The following TBC1D22A variants were observed in gnomAD, a reference collection of about 807,000 sequenced individuals.
TBC1D22A encodes the protein TBC1 domain family member 22A.
Under a neutral mutation model 60.2 loss-of-function variants are expected in TBC1D22A, and 38 were observed. The observed-to-expected ratio is 0.63, with a 90% confidence interval of 0.49 to 0.83. The LOEUF (loss-of-function observed/expected upper bound fraction) is 0.83. Among genes scored for constraint, TBC1D22A ranks in the 40% least tolerant of loss-of-function variants. The pLI is 0.00. For missense variants in TBC1D22A, 628 were observed against 701.0 expected, an observed-to-expected ratio of 0.90 and a Z score of 1.18; for synonymous variants, 302 against 281.7, an observed-to-expected ratio of 1.07 and a Z score of -0.72.
At chr22:47,001,698 AC>A (rs559271524) in intron 10 of TBC1D22A, among the ~76,000 whole-genome samples, 110 of 152,274 alleles carry the variant, frequency 7.2e-4, no homozygotes, top group African/African-American at 2.4e-3. Flanking sequence ...TGGAGTTTTA[AC>A]CCAAATTTAA....
rs769619985 is a variant in TBC1D22A at position 47,111,516 on chromosome 22, G to A, written c.1338G>A (p.Pro446=). Residue 446 remains proline (P), a synonymous_variant, in exon 12 of 13, where the codon CCG becomes CCA. Coordinates refer to ENST00000337137, the MANE Select transcript of TBC1D22A (RefSeq NM_014346.5). ...TATTTTTTCTCTTTTAGTCTGAACC[G>A]GACGGCTTTTCTCATTTCCACTTGT... ...IRLWDTYQSE[P]DGFSHFHLYV... The A allele has an allele frequency of 8.7e-6, 14 of 1,613,672 alleles. No homozygotes were observed. The highest frequency in any genetic ancestry group is 2.2e-5 in the South Asian group (2 of 90,960).
chr22:46,905,911 G>T (rs914552103), intron 7 of TBC1D22A, among the ~76,000 whole-genome samples: 1 of 152,218 alleles, frequency 6.6e-6, no homozygotes, highest in African/African-American at 2.4e-5. Context: ...CCTGAGTCTA[G>T]ACAAGGCTGA....
chr22:46,779,225 T>G (rs992847711), intron 1 of TBC1D22A, among the ~76,000 whole-genome samples: 2 of 152,230 alleles, frequency 1.3e-5, no homozygotes, highest in Non-Finnish European at 2.9e-5. Context: ...GAGTATGCTT[T>G]GTGATGTGAT....
chr22:46,973,132 G>A (rs1231464786), intron 8 of TBC1D22A, among the ~76,000 whole-genome samples: 1 of 152,206 alleles, frequency 6.6e-6, no homozygotes, highest in African/African-American at 2.4e-5. Flanking sequence ...GCAGGGCTGC[G>A]ACTGGGGAAG....
chr22:46,992,305 C>T (rs1020704710), intron 9 of TBC1D22A, among the ~76,000 whole-genome samples: 1 of 152,260 alleles, frequency 6.6e-6, no homozygotes, highest in East Asian at 1.9e-4. Flanking sequence ...TGGGACGACC[C>T]GTCCGAAACG....
chr22:47,060,774 C>T (rs2063546400), intron 11 of TBC1D22A, among the ~76,000 whole-genome samples: 2 of 152,202 alleles, frequency 1.3e-5, no homozygotes, highest in South Asian at 4.1e-4. Flanking sequence ...AAAGGGCACA[C>T]AATTTAGCGG....
At chr22:46,875,328 C>T (rs2067501814) in intron 4 of TBC1D22A, among the ~76,000 whole-genome samples, 2 of 152,182 alleles carry the variant, frequency 1.3e-5, no homozygotes, top group East Asian at 3.8e-4. Flanking sequence ...ATATGAATTG[C>T]AAGAACAGGC....
intron 1 of TBC1D22A, chr22:46,773,870 G>C: frequency 1.1e-6 from 1 of 930,770 alleles, no homozygotes; most frequent in Non-Finnish European, 1.3e-6. Flanking sequence ...CTCAGAAGCT[G>C]AGCTACGTGC....
At chr22:47,040,674 G>T (rs933289605) in intron 11 of TBC1D22A, among the ~76,000 whole-genome samples, 1 of 152,136 alleles carries the variant, frequency 6.6e-6, no homozygotes, top group Non-Finnish European at 1.5e-5. Context: ...CTTGATGGGG[G>T]GCCCTGTGGG....
At chr22:47,039,693 G>C (rs980197972) in intron 11 of TBC1D22A, among the ~76,000 whole-genome samples, 1 of 132,656 alleles carries the variant, frequency 7.5e-6, no homozygotes, top group African/African-American at 3.0e-5. Context: ...TCATGGATGC[G>C]TGCATTTCAG....
intron 12 of TBC1D22A, among the ~76,000 whole-genome samples, chr22:47,173,021 TC>T (rs2068547419): frequency 6.6e-6 from 1 of 152,210 alleles, no homozygotes; most frequent in Admixed American, 6.5e-5. Flanking sequence ...CTGCGGTACT[TC>T]CTGGGCTGAT....
chr22:46,787,421 C>T (rs577182173), intron 1 of TBC1D22A, among the ~76,000 whole-genome samples: 8 of 152,314 alleles, frequency 5.3e-5, no homozygotes, highest in Non-Finnish European at 7.3e-5. Context: ...GCGGCTCCTG[C>T]GTCTCCCCTT....
intron 4 of TBC1D22A, among the ~76,000 whole-genome samples, chr22:46,818,917 G>T (rs2085712258): frequency 6.6e-6 from 1 of 152,116 alleles, no homozygotes; most frequent in Admixed American, 6.5e-5. Flanking sequence ...CTTGAGCAGT[G>T]GTTTGTAGTT....
intron 12 of TBC1D22A, among the ~76,000 whole-genome samples, chr22:47,157,326 C>T (rs770016458): frequency 1.3e-5 from 2 of 152,216 alleles, no homozygotes; most frequent in East Asian, 3.8e-4. Flanking sequence ...GCCGCTTTCC[C>T]GATCTCTTTT....
chr22:47,132,840 C>T (rs1272058124), intron 12 of TBC1D22A, among the ~76,000 whole-genome samples: 1 of 152,212 alleles, frequency 6.6e-6, no homozygotes, highest in Non-Finnish European at 1.5e-5. Flanking sequence ...GCGGAAACGC[C>T]ATGTGATCTA....
chr22:46,974,793 A>T (rs1033590343), intron 9 of TBC1D22A, among the ~76,000 whole-genome samples: 2 of 152,176 alleles, frequency 1.3e-5, no homozygotes, highest in Non-Finnish European at 2.9e-5. Flanking sequence ...GGCCTCTGAC[A>T]CCAGGCTGTG....
chr22:47,113,208 A>C (rs1159487383), intron 12 of TBC1D22A, among the ~76,000 whole-genome samples: 3 of 152,190 alleles, frequency 2.0e-5, no homozygotes, highest in Non-Finnish European at 2.9e-5. Flanking sequence ...CGGCCAGCAC[A>C]CACAACTGTA....
At position 47,048,094 on chromosome 22, in the gene TBC1D22A, C is replaced by T. The variant is rs546035133; in HGVS notation, c.1329+10896C>T. On this transcript the variant is annotated intron_variant, in intron 11 of 12. Transcript: ENST00000337137. ...TGCCTTCCAGTCTGCCCCGGGCTGC[C>T]CCAGCTCCACTGCTGTTGCTGCATT... Among the ~76,000 whole-genome samples, 197 of 152,324 alleles carry T rather than the reference C, an allele frequency of 1.3e-3. 1 individual carries two copies. The highest frequency in any genetic ancestry group is 2.1e-3 in the Non-Finnish European group (145 of 68,034).
chr22:47,017,455 G>A (rs1005554), intron 10 of TBC1D22A, among the ~76,000 whole-genome samples: 62,961 of 151,978 alleles, frequency 0.41, 14,736 homozygotes, highest in African/African-American at 0.65. Flanking sequence ...GGAGCTGGGC[G>A]TTGGGCAGGC....
Sources: gnomAD v4.1 joint callset for allele counts (sites outside exome capture counted in the v4.1 genomes callset) on GRCh38, gnomAD v4.1.1 for gene constraint, MANE v1.5 for transcripts, NCBI Gene and HGNC (gene_info 2026-07-23, HGNC 2026-07-21) for gene names.